C8orf34: variants seen among roughly 807,000 people sequenced by gnomAD.
C8orf34 encodes chromosome 8 open reading frame 34.
A neutral mutation model predicts 68.3 loss-of-function variants in C8orf34; 65 were observed. The ratio of observed to expected loss-of-function variants is 0.95; its 90% CI spans 0.78 to 1.17. C8orf34 has a LOEUF of 1.17. C8orf34 is among the 50% of genes most tolerant of loss of function. The pLI is 0.00. For missense variants in C8orf34, 664 were observed against 655.4 expected (o/e 1.01, Z -0.14); for synonymous variants, 244 against 241.2 (o/e 1.01, Z -0.11).
rs139242796 is a variant in C8orf34, at chr8:68,540,617, C to A, written c.1105+7468C>A. Among the ~76,000 whole-genome samples, 865 of 151,924 alleles carry A rather than the reference C, an allele frequency of 5.7e-3. 8 individuals carry two copies. The highest frequency in any genetic ancestry group is 0.02 in the African/African-American group (831 of 41,426). ...CAGCACTTTGGGAGGCCAAGGCAGG[C>A]AGATCACAAGGTCAGAGTTTGAGAC... On this transcript the variant is annotated intron_variant, in intron 7 of 13. Coordinates refer to ENST00000518698, the MANE Select transcript of C8orf34 (RefSeq NM_052958.4).
chr8:68,338,275 C>T lies in C8orf34; in HGVS notation c.327+6936C>T, dbSNP rs149810159. Among the ~76,000 whole-genome samples the T allele has an allele frequency of 2.9e-3, 447 of 152,248 alleles. 2 individuals are homozygous for T. Among genetic ancestry groups the T allele is most frequent in the African/African-American group, 0.01 (417 of 41,560 alleles). On this transcript the variant is annotated intron_variant, in intron 1 of 13. Transcript: ENST00000518698. ...CTTGGTCTAATCATCACTTAAAGAC[C>T]TCACTTATAAACCCCTTCAGATTGG...
chr8:68,413,091 C>T (rs1809512963), intron 1 of C8orf34, among the ~76,000 whole-genome samples: 1 of 152,158 alleles, frequency 6.6e-6, no homozygotes, highest in African/African-American at 2.4e-5. Context: ...ACACTACCTA[C>T]TATAACAACT....
intron 1 of C8orf34, among the ~76,000 whole-genome samples, chr8:68,394,842 C>G (rs906578067): frequency 3.9e-5 from 6 of 152,002 alleles, no homozygotes; most frequent in African/African-American, 1.4e-4. Context: ...AAAGACTATA[C>G]TGTAGAAAAT....
intron 11 of C8orf34, 86 bp from the exon 12 acceptor site, chr8:68,787,357 G>C (rs1001729885): frequency 1.2e-6 from 1 of 801,738 alleles, no homozygotes; most frequent in Non-Finnish European, 1.9e-6. Context: ...TGAAGATGCA[G>C]TTCATAAAGA....
At chr8:68,590,838 C>A (rs1377952528) in intron 7 of C8orf34, among the ~76,000 whole-genome samples, 1 of 152,072 alleles carries the variant, frequency 6.6e-6, no homozygotes, top group South Asian at 2.1e-4. Context: ...CCCTGGCCAG[C>A]GATATCAGGG....
intron 6 of C8orf34, among the ~76,000 whole-genome samples, chr8:68,524,710 TAG>T (rs1814903212): frequency 6.6e-6 from 1 of 152,210 alleles, no homozygotes; most frequent in Non-Finnish European, 1.5e-5. Flanking sequence ...ATTGCACATT[TAG>T]AGTTATTAAA....
intron 10 of C8orf34, among the ~76,000 whole-genome samples, chr8:68,723,865 A>G (rs1821752220): frequency 6.6e-6 from 1 of 152,156 alleles, no homozygotes; most frequent in Non-Finnish European, 1.5e-5. Context: ...ATGGGTTCTT[A>G]GAGATCTTTG....
chr8:68,580,872 T>G (rs1455834974), intron 7 of C8orf34, among the ~76,000 whole-genome samples: 2 of 152,106 alleles, frequency 1.3e-5, no homozygotes, highest in African/African-American at 4.8e-5. Flanking sequence ...AAGGAAATCT[T>G]TTTCTACTTT....
intron 5 of C8orf34, among the ~76,000 whole-genome samples, chr8:68,520,985 T>C (rs887605201): frequency 6.6e-6 from 1 of 152,236 alleles, no homozygotes; most frequent in African/African-American, 2.4e-5. Context: ...CTATTAAATT[T>C]TGATTTTATT....
chr8:68,413,442 T>C (rs1044956626), intron 1 of C8orf34, among the ~76,000 whole-genome samples: 4 of 152,196 alleles, frequency 2.6e-5, no homozygotes, highest in Non-Finnish European at 2.9e-5. Flanking sequence ...AAAGCACCAG[T>C]TATTCTAAAG....
chr8:68,411,901 C>T (rs539707085), intron 1 of C8orf34, among the ~76,000 whole-genome samples: 2 of 152,260 alleles, frequency 1.3e-5, no homozygotes, highest in South Asian at 4.1e-4. Flanking sequence ...AAGCTAGTCA[C>T]CAAGGTGATG....
At chr8:68,729,584 C>T (rs1444992694) in intron 10 of C8orf34, among the ~76,000 whole-genome samples, 7 of 152,040 alleles carry the variant, frequency 4.6e-5, no homozygotes, top group Non-Finnish European at 1.0e-4. Context: ...ATAAAAAGAT[C>T]TATACATTTG....
intron 1 of C8orf34, among the ~76,000 whole-genome samples, chr8:68,361,999 T>G (rs1286643958): frequency 1.3e-5 from 2 of 152,368 alleles, no homozygotes; most frequent in Non-Finnish European, 2.9e-5. Flanking sequence ...CTTTTAGGTG[T>G]AAGCCAAACT....
intron 7 of C8orf34, among the ~76,000 whole-genome samples, chr8:68,563,098 ACCT>A (rs1184233833): frequency 6.6e-6 from 1 of 152,048 alleles, no homozygotes; most frequent in East Asian, 1.9e-4. Context: ...ACCACCATTA[ACCT>A]CCTAATATTA....
At chr8:68,753,969 T>C (rs1222877464) in intron 10 of C8orf34, among the ~76,000 whole-genome samples, 1 of 152,132 alleles carries the variant, frequency 6.6e-6, no homozygotes, top group African/African-American at 2.4e-5. Context: ...CAAGTCATGC[T>C]CTAGTCAGGA....
intron 7 of C8orf34, among the ~76,000 whole-genome samples, chr8:68,611,103 G>C (rs1352132248): frequency 1.3e-5 from 2 of 152,020 alleles, no homozygotes; most frequent in Non-Finnish European, 2.9e-5. Context: ...CCGACCTCAG[G>C]TGATCACACT....
At chr8:68,387,151 G>GTGCC (rs1808295942) in intron 1 of C8orf34, among the ~76,000 whole-genome samples, 1 of 151,986 alleles carries the variant, frequency 6.6e-6, no homozygotes, top group Non-Finnish European at 1.5e-5. Flanking sequence ...AGGTGGTGAT[G>GTGCC]GGCAGTAGCC....
chr8:68,816,105 A>AGTGTGTGTGT lies in C8orf34; in HGVS notation c.1609+179_1609+188dup, dbSNP rs71554629. Reference sequence around the variant, plus strand: ...GCATAAGATTATAAGATTTCCTAAGAGTGTGTGTGTGTGTGTGTGTGTGTG... The same window carrying AGTGTGTGTGT: ...GCATAAGATTATAAGATTTCCTAAGAGTGTGTGTGTGTGTGTGTGTGTGTGTGTGTGTGTG... On this transcript the variant is annotated intron_variant, in intron 13 of 13. Coordinates refer to ENST00000518698, the MANE Select transcript of C8orf34 (RefSeq NM_052958.4). Among the ~76,000 whole-genome samples, 1,303 of 144,580 alleles carry AGTGTGTGTGT rather than the reference A, an allele frequency of 9.0e-3. 11 individuals are homozygous for AGTGTGTGTGT. Among genetic ancestry groups the AGTGTGTGTGT allele is most frequent in the African/African-American group, 0.02 (774 of 39,094 alleles). The allele number at this position is 144,580 out of a possible 152,430, so 94.9% of individuals were successfully genotyped here.
At chr8:68,643,069 C>A (rs1279329384) in intron 8 of C8orf34, among the ~76,000 whole-genome samples, 1 of 152,206 alleles carries the variant, frequency 6.6e-6, no homozygotes, top group East Asian at 1.9e-4. Context: ...GGTTCATGGC[C>A]TGGGGGTTGG....
Sources: allele counts gnomAD v4.1 joint callset (sites outside exome capture counted in the v4.1 genomes callset), GRCh38; gene constraint gnomAD v4.1.1; transcripts MANE v1.5; gene names NCBI Gene and HGNC (gene_info 2026-07-23, HGNC 2026-07-21).